Variants in NRXN3 observed in about 807,000 individuals in gnomAD.
NRXN3 encodes neurexin 3.
In NRXN3, 32 loss-of-function variants were observed where a neutral mutation model predicts 137.6. The observed-to-expected ratio is 0.23, with a 90% CI of 0.18 to 0.31. NRXN3 has a LOEUF of 0.31. Ranked by LOEUF, NRXN3 falls within the 10% of genes least tolerant of loss-of-function variation. NRXN3 has a pLI of 1.00. For synonymous variants in NRXN3, 798 were observed against 784.5 expected, an observed-to-expected ratio of 1.02 and a Z score of -0.29; for missense variants, 1,574 against 2,062.5, an observed-to-expected ratio of 0.76 and a Z score of 4.59.
At chr14:79,390,183 G>T (rs576265838) in intron 15 of NRXN3, among the ~76,000 whole-genome samples, 6 of 152,022 alleles carry the variant, frequency 3.9e-5, no homozygotes, top group Non-Finnish European at 8.8e-5. Flanking sequence ...CGGGCGCGGT[G>T]GCGGGCACCT....
chr14:78,931,181 C>T (rs1261177152), intron 10 of NRXN3, among the ~76,000 whole-genome samples: 1 of 151,986 alleles, frequency 6.6e-6, no homozygotes, highest in Non-Finnish European at 1.5e-5. Context: ...AATTAATCAA[C>T]CTTTGTAATT....
Position 79,866,567 on chromosome 14 carries a change from T to C in NRXN3, c.*4603T>C, listed in dbSNP as rs1422574239. The C allele has an allele frequency of 6.6e-6, 1 of 152,132 alleles. No individual in the cohort carries two copies. The highest frequency in any genetic ancestry group is 1.5e-5 in the Non-Finnish European group (1 of 68,036). The allele number at this position is 152,132 out of a possible 1,614,324, so 9.4% of individuals were successfully genotyped here. On this transcript the variant is annotated 3_prime_UTR_variant, in exon 21 of 21. Transcript: ENST00000335750. ...TGATGACAGACTGCAAAAAGTACATTGGAGGAAGATATGAGTAGGAAGGTT... is the reference window on the plus strand; with the variant it reads ...TGATGACAGACTGCAAAAAGTACATCGGAGGAAGATATGAGTAGGAAGGTT...
chr14:79,447,248 A>G (rs1199826661), intron 15 of NRXN3, among the ~76,000 whole-genome samples: 2 of 152,234 alleles, frequency 1.3e-5, no homozygotes, highest in Non-Finnish European at 2.9e-5. Context: ...TCAGTAGTCA[A>G]ATAAATATTT....
At chr14:78,874,273 GA>G (rs2099108426) in intron 10 of NRXN3, among the ~76,000 whole-genome samples, 1 of 152,116 alleles carries the variant, frequency 6.6e-6, no homozygotes, top group Non-Finnish European at 1.5e-5. Flanking sequence ...TGCCTGGCAT[GA>G]AGTGATTTTC....
At chr14:79,836,704 G>T (rs2099344754) in intron 20 of NRXN3, among the ~76,000 whole-genome samples, 1 of 152,096 alleles carries the variant, frequency 6.6e-6, no homozygotes, top group Admixed American at 6.6e-5. Context: ...ACAAAAGATG[G>T]GACAGAGCTT....
chr14:78,974,624 C>T (rs999972242), intron 14 of NRXN3, among the ~76,000 whole-genome samples: 2 of 152,164 alleles, frequency 1.3e-5, no homozygotes, highest in African/African-American at 2.4e-5. Flanking sequence ...TTTATTGGCA[C>T]GAACTTTCCT....
chr14:78,537,416 G>A (rs1285570640), intron 4 of NRXN3, among the ~76,000 whole-genome samples: 6 of 152,166 alleles, frequency 3.9e-5, no homozygotes, highest in African/African-American at 1.4e-4. Context: ...CTTCTTTTGA[G>A]AAGTGTCTGT....
At chr14:79,458,463 C>T (rs753151923) in intron 15 of NRXN3, among the ~76,000 whole-genome samples, 4 of 152,142 alleles carry the variant, frequency 2.6e-5, no homozygotes, top group Admixed American at 1.3e-4. Context: ...TCCCATTCTA[C>T]TCCATGCCTG....
chr14:78,251,024 T>C (rs1296630791), intron 2 of NRXN3, among the ~76,000 whole-genome samples: 2 of 152,072 alleles, frequency 1.3e-5, no homozygotes, highest in Admixed American at 6.5e-5. Flanking sequence ...AGTATTCAAT[T>C]CCCAGCCTCA....
intron 4 of NRXN3, among the ~76,000 whole-genome samples, chr14:78,398,522 G>A (rs534223851): frequency 6.6e-6 from 1 of 152,232 alleles, no homozygotes; most frequent in South Asian, 2.1e-4. Context: ...ACATGAGGGT[G>A]GGGCTTGTTA....
At chr14:78,401,725 C>T (rs1473886396) in intron 4 of NRXN3, among the ~76,000 whole-genome samples, 2 of 152,152 alleles carry the variant, frequency 1.3e-5, no homozygotes, top group African/African-American at 4.8e-5. Context: ...TGGCAATGGA[C>T]CATTTTCTAA....
chr14:78,188,535 T>C (rs1163191216), intron 1 of NRXN3, among the ~76,000 whole-genome samples: 1 of 152,126 alleles, frequency 6.6e-6, no homozygotes, highest in Non-Finnish European at 1.5e-5. Context: ...CCATGGAAAA[T>C]TGGGCAACAA....
intron 19 of NRXN3, among the ~76,000 whole-genome samples, chr14:79,746,435 A>T (rs942898796): frequency 7.9e-5 from 12 of 152,096 alleles, no homozygotes; most frequent in African/African-American, 2.9e-4. Flanking sequence ...ATGAAATCTC[A>T]TCTACCCATA....
intron 15 of NRXN3, among the ~76,000 whole-genome samples, chr14:79,029,406 G>A (rs576346246): frequency 1.7e-4 from 26 of 152,008 alleles, no homozygotes; most frequent in Non-Finnish European, 3.5e-4. Flanking sequence ...GATCTCTTTC[G>A]GTTCCTGCCC....
At chr14:79,087,770 C>T (rs2048399804) in intron 15 of NRXN3, among the ~76,000 whole-genome samples, 1 of 152,162 alleles carries the variant, frequency 6.6e-6, no homozygotes, top group South Asian at 2.1e-4. Context: ...GAAGCATACG[C>T]ACAACTCTTT....
chr14:79,059,281 G>C (rs1206011326), intron 15 of NRXN3, among the ~76,000 whole-genome samples: 1 of 87,022 alleles, frequency 1.1e-5, no homozygotes. Context: ...TTTTTGAGAT[G>C]GAGTCTCACT....
At chr14:78,282,464 T>C (rs148243712) in intron 3 of NRXN3, 102 of 238,574 alleles carry the variant, frequency 4.3e-4, no homozygotes, top group African/African-American at 2.2e-3. Context: ...TTTCTCAGGC[T>C]CTGCCTGCTG....
intron 10 of NRXN3, among the ~76,000 whole-genome samples, chr14:78,840,869 A>G (rs764865641): frequency 6.6e-6 from 1 of 152,208 alleles, no homozygotes; most frequent in Non-Finnish European, 1.5e-5. Context: ...TAATTAGATG[A>G]TAATACTATT....
intron 3 of NRXN3, among the ~76,000 whole-genome samples, chr14:78,280,645 C>T (rs1377180094): frequency 6.6e-6 from 1 of 152,168 alleles, no homozygotes; most frequent in African/African-American, 2.4e-5. Flanking sequence ...CTGTGTTCCT[C>T]TTGCCAAGCT....
Sources: gnomAD v4.1 joint callset for allele counts (sites outside exome capture counted in the v4.1 genomes callset) on GRCh38, gnomAD v4.1.1 for gene constraint, MANE v1.5 for transcripts, NCBI Gene and HGNC (gene_info 2026-07-23, HGNC 2026-07-21) for gene names.